TMEM64: variants seen among roughly 807,000 people sequenced by gnomAD.
The protein encoded by TMEM64 is transmembrane protein 64.
Under a neutral mutation model 24.5 loss-of-function variants are expected in TMEM64, and 19 were observed. That is an observed-to-expected ratio of 0.78 (90% confidence interval 0.54 to 1.14). The LOEUF (loss-of-function observed/expected upper bound fraction) is 1.14, where lower values mean the gene tolerates loss of function less well. TMEM64 is among the 50% of genes most tolerant of loss of function. The pLI, the probability that TMEM64 is intolerant of heterozygous loss-of-function variation, is 0.00. For missense variants in TMEM64, 487 were observed against 493.0 expected (o/e 0.99, Z 0.12); for synonymous variants, 262 against 224.7 (o/e 1.17, Z -1.49).
Position 90,645,466 on chromosome 8 carries a change from A to C in TMEM64, c.440T>G (p.Leu147Arg). The C allele has an allele frequency of 6.4e-7, 1 of 1,551,460 alleles. No individual in the cohort carries two copies. Among genetic ancestry groups the C allele is most frequent in the Non-Finnish European group, 8.7e-7 (1 of 1,147,024 alleles). The change falls in exon 1 of 3, where the codon CTC becomes CGC. Residue 147 changes from leucine to arginine, a missense_variant. Leu to Arg is a moderately radical substitution (Grantham distance 102, BLOSUM62 -2). Coordinates refer to ENST00000458549, the MANE Select transcript of TMEM64 (RefSeq NM_001008495.4). The surrounding 1 kb of genome is among the most constrained non-coding windows in gnomAD (Gnocchi z 4.2). Reference sequence around the variant, plus strand: ...GTCAAGGCTCTCCACCCACAGCAGGAGGTGGTGAAGGTAGCGGCGGACCAG... The same window carrying C: ...GTCAAGGCTCTCCACCCACAGCAGGCGGTGGTGAAGGTAGCGGCGGACCAG... Reference protein sequence around the residue: ...LALVRRYLHHLLLWVESLDSL... With the variant: ...LALVRRYLHHRLLWVESLDSL...
Position 90,622,757 on chromosome 8 carries a change from A to T in TMEM64, c.*2914T>A, listed in dbSNP as rs557061603. 3 of 152,324 alleles carry T rather than the reference A, an allele frequency of 2.0e-5. No individual in the cohort carries two copies. Among genetic ancestry groups the T allele is most frequent in the Admixed American group, 2.0e-4 (3 of 15,298 alleles). 9.4% of individuals were successfully genotyped at this position (152,324 alleles called of 1,614,324 possible). A position where few individuals can be genotyped will look rare whatever the true frequency, so the allele number is the denominator to read the frequency against. On this transcript the variant is annotated 3_prime_UTR_variant, in exon 3 of 3. Coordinates refer to ENST00000458549, the MANE Select transcript of TMEM64 (RefSeq NM_001008495.4). ...CAAGAAAAATGTTTTATAGTCATATACTTGACCCTATCAGGGAAAAGCCAC... is the reference window on the plus strand; with the variant it reads ...CAAGAAAAATGTTTTATAGTCATATTCTTGACCCTATCAGGGAAAAGCCAC...
At position 90,623,360 on chromosome 8, in the gene TMEM64, A is replaced by C. The variant is rs1240440985; in HGVS notation, c.*2311T>G. The C allele has an allele frequency of 6.6e-6, 1 of 152,208 alleles. No homozygotes were observed. Among genetic ancestry groups the C allele is most frequent in the Non-Finnish European group, 1.5e-5 (1 of 67,976 alleles). The allele number at this position is 152,208 out of a possible 1,614,324, so 9.4% of individuals were successfully genotyped here. On this transcript the variant is annotated 3_prime_UTR_variant, in exon 3 of 3. Coordinates refer to ENST00000458549, the MANE Select transcript of TMEM64 (RefSeq NM_001008495.4). ...GGGATGCAGGATTAAAAATGGAGTA[A>C]ATAAGGCATGACAATGCTTTGCACG...
rs1483832747 is a variant in TMEM64 at position 90,645,639 on chromosome 8, C to T, written c.267G>A (p.Ala89=). 5 of 1,532,902 alleles carry T rather than the reference C, an allele frequency of 3.3e-6. No homozygotes were observed. In the South Asian group the frequency reaches 3.6e-5, roughly 11 times the overall value. The allele number at this position is 1,532,902 out of a possible 1,614,324, so 95.0% of individuals were successfully genotyped here. ...SELPEPGGAL[A]GGPGSGGGGV... ...CGCCGCCGCCACTCCCGGGGCCGCCCGCCAAGGCCCCGCCCGGCTCCGGCA... is the reference window on the plus strand; with the variant it reads ...CGCCGCCGCCACTCCCGGGGCCGCCTGCCAAGGCCCCGCCCGGCTCCGGCA... Residue 89 remains alanine (A), a synonymous_variant, in exon 1 of 3, where the codon GCG becomes GCA. Coordinates refer to ENST00000458549, the MANE Select transcript of TMEM64 (RefSeq NM_001008495.4). This position sits in a 1 kb window ranked among gnomAD's most constrained non-coding sequence, Gnocchi z 4.2.
In TMEM64 at chr8:90,631,573, T is replaced by G; in HGVS notation, c.930A>C (p.Gly310=). The G allele has an allele frequency of 6.3e-7, 1 of 1,597,320 alleles. No individual in the cohort carries two copies. The highest frequency in any genetic ancestry group is 8.6e-7 in the Non-Finnish European group (1 of 1,168,180). ...EDVIAEQSVS[G]YFVFCLQIII... Reference sequence around the variant, plus strand: ...TCACCTGTAAACAAAAAACAAAATATCCACTAACACTCTGTTCTGCAATGA... The same window carrying G: ...TCACCTGTAAACAAAAAACAAAATAGCCACTAACACTCTGTTCTGCAATGA... The change falls in exon 2 of 3, where the codon GGA becomes GGC. Residue 310 remains glycine (G), a synonymous_variant. Transcript: ENST00000458549.
chr8:90,631,064 T>C (rs1284565222), intron 2 of TMEM64, among the ~76,000 whole-genome samples: 1 of 152,188 alleles, frequency 6.6e-6, no homozygotes, highest in Non-Finnish European at 1.5e-5. Context: ...TTTTACGAGG[T>C]AATACTTTTT....
chr8:90,631,805 C>T (rs535852837), intron 1 of TMEM64, 98 bp from the exon 2 acceptor site: 14 of 978,072 alleles, frequency 1.4e-5, no homozygotes, highest in African/African-American at 4.8e-5. Flanking sequence ...GGTATTTCCT[C>T]GGGAAGGAGC....
At chr8:90,633,671 C>CA (rs1372074909) in intron 1 of TMEM64, among the ~76,000 whole-genome samples, 1 of 152,196 alleles carries the variant, frequency 6.6e-6, no homozygotes, top group Non-Finnish European at 1.5e-5. Context: ...TCCATTGTGT[C>CA]ATACTGTTAC....
chr8:90,631,950 G>A lies in TMEM64; in HGVS notation c.796-243C>T, dbSNP rs547033343. 7.9e-5 allele frequency among the ~76,000 whole-genome samples: 12 copies of A among 152,254 alleles called. No homozygotes were observed. In the South Asian group the frequency reaches 8.3e-4, roughly 11 times the overall value. On this transcript the variant is annotated intron_variant, in intron 1 of 2. Transcript: ENST00000458549. ...ACTACCATTGAAAGGTAACATTTGTGACTATTTTTTCTTTCATGTAAATAA... is the reference window on the plus strand; with the variant it reads ...ACTACCATTGAAAGGTAACATTTGTAACTATTTTTTCTTTCATGTAAATAA...
intron 1 of TMEM64, among the ~76,000 whole-genome samples, chr8:90,633,592 TAA>T (rs1328531742): frequency 6.6e-6 from 1 of 152,202 alleles, no homozygotes; most frequent in South Asian, 2.1e-4. Context: ...GTTCAAATAG[TAA>T]AAAACTTATT....
At chr8:90,632,005 A>C (rs780539922) in intron 1 of TMEM64, among the ~76,000 whole-genome samples, 5 of 152,214 alleles carry the variant, frequency 3.3e-5, no homozygotes, top group Non-Finnish European at 7.3e-5. Context: ...TTGTAAAAAC[A>C]GTTTTGTAAG....
intron 2 of TMEM64, among the ~76,000 whole-genome samples, chr8:90,628,821 A>C (rs1488306738): frequency 6.6e-6 from 1 of 152,210 alleles, no homozygotes; most frequent in Non-Finnish European, 1.5e-5. Context: ...TTTAGATTCC[A>C]GACATTTGGA....
intron 2 of TMEM64, among the ~76,000 whole-genome samples, chr8:90,626,629 C>CTTTT (rs34029067): frequency 6.5e-4 from 69 of 105,782 alleles, no homozygotes; most frequent in Non-Finnish European, 1.0e-3. Flanking sequence ...TTTTTTCTTT[C>CTTTT]TTTTTTTTTT....
chr8:90,627,781 G>C (rs1463461486), intron 2 of TMEM64, among the ~76,000 whole-genome samples: 1 of 152,106 alleles, frequency 6.6e-6, no homozygotes, highest in Non-Finnish European at 1.5e-5. Flanking sequence ...AAGAAGTTAA[G>C]CATAAGCTAG....
At chr8:90,642,924 CTTTT>C (rs569258420) in intron 1 of TMEM64, among the ~76,000 whole-genome samples, 1 of 151,952 alleles carries the variant, frequency 6.6e-6, no homozygotes, top group Non-Finnish European at 1.5e-5. Flanking sequence ...GGCCATTTTT[CTTTT>C]TTTTCCCTTC....
chr8:90,639,233 A>G (rs1347171167), intron 1 of TMEM64, among the ~76,000 whole-genome samples: 1 of 152,174 alleles, frequency 6.6e-6, no homozygotes, highest in Non-Finnish European at 1.5e-5. Context: ...ATGTCTGTCT[A>G]CAACACAGAA....
chr8:90,627,212 A>C (rs1302906042), intron 2 of TMEM64, among the ~76,000 whole-genome samples: 1 of 152,122 alleles, frequency 6.6e-6, no homozygotes, highest in Non-Finnish European at 1.5e-5. Context: ...GAGATAACAG[A>C]AGCAGAGCAT....
rs533396441 is a variant in TMEM64, at chr8:90,635,865, G to A, written c.796-4158C>T. On this transcript the variant is annotated intron_variant, in intron 1 of 2. Coordinates refer to ENST00000458549, the MANE Select transcript of TMEM64 (RefSeq NM_001008495.4). ...AAAATTTCAGAATGCAACACTTCTG[G>A]CCACAACCTTTACCTTTAAATGTAA... 2.6e-5 allele frequency among the ~76,000 whole-genome samples: 4 copies of A among 152,022 alleles called. No homozygotes were observed. In the South Asian group the frequency reaches 8.3e-4, roughly 32 times the overall value.
intron 2 of TMEM64, among the ~76,000 whole-genome samples, chr8:90,628,264 G>C (rs763667902): frequency 6.6e-6 from 1 of 152,214 alleles, no homozygotes; most frequent in South Asian, 2.1e-4. Flanking sequence ...TGGAAAGCAA[G>C]CTAAGCAGGG....
intron 1 of TMEM64, among the ~76,000 whole-genome samples, chr8:90,640,332 GA>G (rs1809586080): frequency 6.6e-6 from 1 of 151,952 alleles, no homozygotes; most frequent in Non-Finnish European, 1.5e-5. Context: ...TAAGAATTAA[GA>G]AAATAAGAAA....
Sources: gnomAD v4.1 joint callset for allele counts (sites outside exome capture counted in the v4.1 genomes callset) on GRCh38, gnomAD v4.1.1 for gene constraint, Gnocchi (gnomAD v3.1) non-coding constraint, MANE v1.5 for transcripts, NCBI Gene and HGNC (gene_info 2026-07-23, HGNC 2026-07-21) for gene names.